The following MTAP variants were observed in gnomAD, a reference collection of about 807,000 sequenced individuals.
MTAP encodes S-methyl-5'-thioadenosine phosphorylase.
Under a neutral mutation model 33.6 loss-of-function variants are expected in MTAP, and 33 were observed. That is an observed-to-expected ratio of 0.98 (90% confidence interval 0.74 to 1.31). MTAP has a LOEUF of 1.31. MTAP is among the 40% of genes most tolerant of loss of function. The pLI, the probability that MTAP is intolerant of heterozygous loss-of-function variation, is 0.00. For synonymous variants in MTAP, 148 were observed against 125.7 expected, an observed-to-expected ratio of 1.18 and a Z score of -1.19; for missense variants, 367 against 360.0, an observed-to-expected ratio of 1.02 and a Z score of -0.16.
intron 4 of MTAP, among the ~76,000 whole-genome samples, chr9:21,831,184 A>G (rs891177191): frequency 1.3e-5 from 2 of 152,158 alleles, no homozygotes; most frequent in Admixed American, 6.5e-5. Flanking sequence ...TTAAAGATAC[A>G]TGGACAGGGG....
rs761366602 is a variant in MTAP at position 21,859,308 on chromosome 9, G to A, written c.696G>A (p.Ser232=). The A allele has an allele frequency of 2.1e-5, 33 of 1,607,924 alleles. No homozygotes were observed. The highest frequency in any genetic ancestry group is 2.4e-5 in the Non-Finnish European group (28 of 1,178,054). ...CAGTGCTATTGTTTCTCTAGGTTTC[G>A]GTGGACCGGGTCTTAAAGACCCTGA... ...DCWKEHEEAV[S]VDRVLKTLKE... The change falls in exon 7 of 8, where the codon TCG becomes TCA. Residue 232 remains serine (S), a synonymous_variant. Coordinates refer to ENST00000644715, the MANE Select transcript of MTAP (RefSeq NM_002451.4).
chr9:21,831,181 T>TA (rs919194292), intron 4 of MTAP, among the ~76,000 whole-genome samples: 2 of 152,206 alleles, frequency 1.3e-5, no homozygotes, highest in Non-Finnish European at 2.9e-5. Flanking sequence ...CCATTAAAGA[T>TA]ACATGGACAG....
chr9:21,891,821 T>C (rs1038678485), intron 1 of MTAP, among the ~76,000 whole-genome samples: 3 of 152,032 alleles, frequency 2.0e-5, no homozygotes, highest in Non-Finnish European at 4.4e-5. Context: ...AGACACATAG[T>C]TATCAGATTC....
At chr9:21,837,622 C>A (rs190336987) in intron 4 of MTAP, among the ~76,000 whole-genome samples, 49 of 152,342 alleles carry the variant, frequency 3.2e-4, no homozygotes, top group Admixed American at 1.6e-3. Context: ...TCTGAGCCCA[C>A]AGTTGAGTTG....
intron 5 of MTAP, among the ~76,000 whole-genome samples, chr9:21,852,138 C>T (rs1031753522): frequency 8.5e-5 from 13 of 152,078 alleles, no homozygotes; most frequent in East Asian, 5.8e-4. Flanking sequence ...TGAAGTAACT[C>T]GGGAATGGAA....
intron 6 of MTAP, chr9:21,856,223 G>A (rs998534616): frequency 1.1e-5 from 11 of 977,444 alleles, no homozygotes; most frequent in Non-Finnish European, 1.3e-5. Context: ...GCACATTTAG[G>A]GTAAGTGACA....
At chr9:21,824,122 C>T (rs1290042211) in intron 4 of MTAP, among the ~76,000 whole-genome samples, 2 of 152,224 alleles carry the variant, frequency 1.3e-5, no homozygotes, top group Non-Finnish European at 2.9e-5. Context: ...ATTCTCCATC[C>T]AGCTTTGTTC....
At chr9:21,903,127 T>C (rs1016305888) in intron 1 of MTAP, among the ~76,000 whole-genome samples, 11 of 152,198 alleles carry the variant, frequency 7.2e-5, no homozygotes, top group Non-Finnish European at 1.0e-4. Context: ...GGCTGCTTTC[T>C]GTAGCATTGA....
At chr9:21,803,623 C>T (rs1824127611) in intron 1 of MTAP, among the ~76,000 whole-genome samples, 1 of 152,160 alleles carries the variant, frequency 6.6e-6, no homozygotes, top group South Asian at 2.1e-4. Flanking sequence ...GTTTTAAACA[C>T]TTCTCTCCTG....
intron 7 of MTAP, chr9:21,860,378 G>A (rs368300561): frequency 1.3e-5 from 2 of 152,186 alleles, no homozygotes; most frequent in Admixed American, 6.5e-5. Context: ...AAGCTGGTAC[G>A]AACAGAATCC....
chr9:21,896,421 C>G (rs1057140629), intron 1 of MTAP, among the ~76,000 whole-genome samples: 2 of 152,022 alleles, frequency 1.3e-5, no homozygotes, highest in African/African-American at 4.8e-5. Flanking sequence ...CACCAAAAAA[C>G]CCTTCAAGAA....
At chr9:21,917,113 A>C (rs1165887079) in intron 1 of MTAP, among the ~76,000 whole-genome samples, 1 of 152,244 alleles carries the variant, frequency 6.6e-6, no homozygotes, top group African/African-American at 2.4e-5. Context: ...TATTGGAAAG[A>C]TGTTGCCATA....
intron 1 of MTAP, among the ~76,000 whole-genome samples, chr9:21,902,234 C>T (rs1056205105): frequency 1.3e-5 from 2 of 152,198 alleles, no homozygotes; most frequent in African/African-American, 4.8e-5. Flanking sequence ...CCTCCAGTTC[C>T]ACAGATACTA....
intron 4 of MTAP, among the ~76,000 whole-genome samples, chr9:21,829,339 A>C (rs187416594): frequency 1.7e-4 from 26 of 151,910 alleles, no homozygotes; most frequent in Non-Finnish European, 3.1e-4. Context: ...TGTGCAAATC[A>C]CTTTACCCAC....
chr9:21,919,097 G>A (rs910068286), intron 1 of MTAP, among the ~76,000 whole-genome samples: 1 of 152,164 alleles, frequency 6.6e-6, no homozygotes, highest in Non-Finnish European at 1.5e-5. Context: ...ATTGTGACTA[G>A]GATGAACAAT....
intron 5 of MTAP, among the ~76,000 whole-genome samples, chr9:21,853,468 G>T (rs932314385): frequency 6.6e-6 from 1 of 152,158 alleles, no homozygotes; most frequent in Non-Finnish European, 1.5e-5. Flanking sequence ...CAAGACTCTT[G>T]TGAAAATTCT....
chr9:21,849,456 G>A (rs2118453365), intron 5 of MTAP, among the ~76,000 whole-genome samples: 1 of 152,228 alleles, frequency 6.6e-6, no homozygotes, highest in East Asian at 1.9e-4. Context: ...GGTCTTATGG[G>A]TGCCTGGACT....
At chr9:21,847,188 C>T (rs1288782500) in intron 5 of MTAP, among the ~76,000 whole-genome samples, 2 of 152,210 alleles carry the variant, frequency 1.3e-5, no homozygotes, top group Admixed American at 6.5e-5. Context: ...TTTTGGAACT[C>T]TGACTGGCTC....
chr9:21,839,203 C>T (rs369533461), intron 5 of MTAP, among the ~76,000 whole-genome samples: 3 of 143,262 alleles, frequency 2.1e-5, no homozygotes, highest in Admixed American at 1.4e-4. Flanking sequence ...AAGTGGCAGG[C>T]GAAGTTTGTA....
Sources: allele counts gnomAD v4.1 joint callset (sites outside exome capture counted in the v4.1 genomes callset), GRCh38; gene constraint gnomAD v4.1.1; transcripts MANE v1.5; gene names NCBI Gene and HGNC (gene_info 2026-07-23, HGNC 2026-07-21).